Variants in NIBAN1 observed in about 807,000 individuals in gnomAD.
The protein encoded by NIBAN1 is protein Niban 1.
Under a neutral mutation model 75.1 loss-of-function variants are expected in NIBAN1, and 81 were observed. The ratio of observed to expected loss-of-function variants is 1.08; its 90% confidence interval spans 0.90 to 1.30. NIBAN1 has a LOEUF of 1.30. Ranked by LOEUF, NIBAN1 falls within the 50% of genes most tolerant of loss-of-function variation. The pLI, the probability that NIBAN1 is intolerant of heterozygous loss-of-function variation, is 0.00. For synonymous variants in NIBAN1, 436 were observed against 424.8 expected, an observed-to-expected ratio of 1.03 and a Z score of -0.32; for missense variants, 1,133 against 1,128.1, an observed-to-expected ratio of 1.00 and a Z score of -0.06.
Position 184,911,349 on chromosome 1 carries a change from A to G in NIBAN1, c.56-12040T>C, listed in dbSNP as rs114470529. Among the ~76,000 whole-genome samples, 528 of 152,328 alleles carry G rather than the reference A, an allele frequency of 3.5e-3. 1 individual carries two copies. Among genetic ancestry groups the G allele is most frequent in the Admixed American group, 9.0e-3 (138 of 15,290 alleles). On this transcript the variant is annotated intron_variant, in intron 1 of 13. Coordinates refer to ENST00000367511, the MANE Select transcript of NIBAN1 (RefSeq NM_052966.4). ...AATACATGGAATCTGTATTTAAAAC[A>G]TTTCATTAAGTGATCTAAGAAAGAC...
intron 1 of NIBAN1, among the ~76,000 whole-genome samples, chr1:184,923,664 T>A (rs755948368): frequency 8.5e-5 from 13 of 152,176 alleles, no homozygotes; most frequent in South Asian, 6.2e-4. Flanking sequence ...TTGGGTGGTA[T>A]GGATATTTTA....
At chr1:184,853,645 C>T (rs1655600805) in intron 5 of NIBAN1, among the ~76,000 whole-genome samples, 1 of 152,154 alleles carries the variant, frequency 6.6e-6, no homozygotes, top group South Asian at 2.1e-4. Context: ...CACTTTTCTT[C>T]CCTTTCCATG....
At chr1:184,906,522 C>T (rs756995881) in intron 1 of NIBAN1, among the ~76,000 whole-genome samples, 1 of 151,828 alleles carries the variant, frequency 6.6e-6, no homozygotes, top group East Asian at 1.9e-4. Context: ...CCCAGCTACT[C>T]GGGAGGCTGA....
At chr1:184,915,528 G>T (rs544860169) in intron 1 of NIBAN1, among the ~76,000 whole-genome samples, 1 of 152,186 alleles carries the variant, frequency 6.6e-6, no homozygotes, top group Non-Finnish European at 1.5e-5. Context: ...TTGTATTCCA[G>T]AATGCTGAGG....
chr1:184,826,819 T>C (rs1557879018), intron 6 of NIBAN1, among the ~76,000 whole-genome samples: 1 of 149,722 alleles, frequency 6.7e-6, no homozygotes, highest in Non-Finnish European at 1.5e-5. Flanking sequence ...AGGAAATATG[T>C]CTGCGAGGAA....
chr1:184,858,859 T>C (rs960889244), intron 5 of NIBAN1, among the ~76,000 whole-genome samples: 2 of 151,930 alleles, frequency 1.3e-5, no homozygotes, highest in Non-Finnish European at 2.9e-5. Flanking sequence ...ATAAAGGAGT[T>C]AAAACAGTAT....
intron 2 of NIBAN1, among the ~76,000 whole-genome samples, chr1:184,898,614 T>C (rs1251020470): frequency 6.6e-6 from 1 of 152,190 alleles, no homozygotes; most frequent in African/African-American, 2.4e-5. Context: ...CGACTCTATC[T>C]CAAAAATAAA....
At chr1:184,844,894 G>T (rs1253557846) in intron 5 of NIBAN1, among the ~76,000 whole-genome samples, 2 of 152,168 alleles carry the variant, frequency 1.3e-5, no homozygotes, top group Non-Finnish European at 2.9e-5. Flanking sequence ...TAATTTCATG[G>T]CCCTCTCCTT....
At chr1:184,827,574 T>TTTTTTTC (rs1553217806) in intron 6 of NIBAN1, among the ~76,000 whole-genome samples, 13 of 150,876 alleles carry the variant, frequency 8.6e-5, no homozygotes, top group African/African-American at 2.4e-4. Flanking sequence ...TTTTTTTTTT[T>TTTTTTTC]AATGGGGGGT....
At chr1:184,906,384 A>T (rs1657105763) in intron 1 of NIBAN1, among the ~76,000 whole-genome samples, 1 of 152,154 alleles carries the variant, frequency 6.6e-6, no homozygotes, top group African/African-American at 2.4e-5. Context: ...TAATCCTAGC[A>T]CTTTGGGAGG....
chr1:184,895,458 C>T (rs1656773707), intron 2 of NIBAN1, among the ~76,000 whole-genome samples: 1 of 152,188 alleles, frequency 6.6e-6, no homozygotes, highest in Non-Finnish European at 1.5e-5. Flanking sequence ...GGAAAGCAAT[C>T]ACTTATCCCT....
chr1:184,904,615 C>A (rs1657042796), intron 1 of NIBAN1, among the ~76,000 whole-genome samples: 1 of 152,148 alleles, frequency 6.6e-6, no homozygotes, highest in Non-Finnish European at 1.5e-5. Context: ...CCCATCCCAA[C>A]CACCACACCT....
At chr1:184,857,351 A>C (rs762800693) in intron 5 of NIBAN1, among the ~76,000 whole-genome samples, 1 of 152,226 alleles carries the variant, frequency 6.6e-6, no homozygotes, top group East Asian at 1.9e-4. Context: ...AGCTTAGTAC[A>C]GATGGGAAAA....
At chr1:184,918,074 T>G (rs1167880124) in intron 1 of NIBAN1, among the ~76,000 whole-genome samples, 1 of 152,094 alleles carries the variant, frequency 6.6e-6, no homozygotes, top group East Asian at 1.9e-4. Flanking sequence ...GCTGAATAAC[T>G]CCTTGTGAAA....
intron 6 of NIBAN1, among the ~76,000 whole-genome samples, chr1:184,827,948 GTTTTGTT>G (rs1260897660): frequency 1.2e-4 from 15 of 124,796 alleles, no homozygotes; most frequent in African/African-American, 3.5e-4. Context: ...AATGCGGGTA[GTTTTGTT>G]TTTTGTTTTT....
chr1:184,971,002 G>C (rs1365467557), intron 1 of NIBAN1, among the ~76,000 whole-genome samples: 1 of 152,076 alleles, frequency 6.6e-6, no homozygotes, highest in Non-Finnish European at 1.5e-5. Flanking sequence ...TACAGAAAAA[G>C]AGGCCGGGCA....
intron 5 of NIBAN1, among the ~76,000 whole-genome samples, chr1:184,835,537 T>C (rs1655115973): frequency 6.6e-6 from 1 of 152,216 alleles, no homozygotes; most frequent in Non-Finnish European, 1.5e-5. Context: ...GGTTTGTAGT[T>C]CTCCTTAAAG....
rs545446307 is a variant in NIBAN1, at chr1:184,971,544, G to T, written c.55+2758C>A. 2.0e-5 allele frequency among the ~76,000 whole-genome samples: 3 copies of T among 152,054 alleles called. No individual in the cohort carries two copies. In the South Asian group the frequency reaches 6.2e-4, roughly 32 times the overall value. Reference sequence around the variant, plus strand: ...AATTAGCTGGGCATGGTGGTGCGTGGCTGTAATCCTAGCTATTCGGGAGGC... The same window carrying T: ...AATTAGCTGGGCATGGTGGTGCGTGTCTGTAATCCTAGCTATTCGGGAGGC... On this transcript the variant is annotated intron_variant, in intron 1 of 13. Coordinates refer to ENST00000367511, the MANE Select transcript of NIBAN1 (RefSeq NM_052966.4).
intron 1 of NIBAN1, among the ~76,000 whole-genome samples, chr1:184,925,031 C>T (rs1330563044): frequency 6.6e-6 from 1 of 151,706 alleles, no homozygotes; most frequent in South Asian, 2.1e-4. Flanking sequence ...ATTTCTGCTC[C>T]AATCTTTATT....
Sources: gnomAD v4.1 joint callset for allele counts (sites outside exome capture counted in the v4.1 genomes callset) on GRCh38, gnomAD v4.1.1 for gene constraint, MANE v1.5 for transcripts, NCBI Gene and HGNC (gene_info 2026-07-23, HGNC 2026-07-21) for gene names.